CA4: variants seen among roughly 807,000 people sequenced by gnomAD.
CA4 encodes the protein carbonic anhydrase 4.
A neutral mutation model predicts 34.5 loss-of-function variants in CA4; 24 were observed. The ratio of observed to expected loss-of-function variants is 0.70; its 90% CI spans 0.50 to 0.98. The LOEUF (loss-of-function observed/expected upper bound fraction) is 0.98, where lower values mean the gene tolerates loss of function less well. CA4 is among the 50% of genes least tolerant of loss of function. The pLI, the probability that CA4 is intolerant of heterozygous loss-of-function variation, is 0.00. For missense variants in CA4, 394 were observed against 396.7 expected, an observed-to-expected ratio of 0.99 and a Z score of 0.06; for synonymous variants, 178 against 170.6, an observed-to-expected ratio of 1.04 and a Z score of -0.34.
intron 5 of CA4, among the ~76,000 whole-genome samples, chr17:60,168,983 G>A (rs563563687): frequency 4.9e-4 from 74 of 152,206 alleles, no homozygotes; most frequent in Admixed American, 2.7e-3. Flanking sequence ...ACGGTGACTC[G>A]CGCCTGTAAT....
downstream of CA4, among the ~76,000 whole-genome samples, chr17:60,164,210 TTTTC>T (rs1196881644): frequency 1.6e-4 from 23 of 144,036 alleles, no homozygotes; most frequent in Non-Finnish European, 3.0e-4. Flanking sequence ...TTCTTTCTTT[TTTTC>T]TTTCTTTCTC....
chr17:60,158,991 C>A (rs949173231), intron 7 of CA4: 2 of 576,474 alleles, frequency 3.5e-6, no homozygotes, highest in East Asian at 2.9e-5. Flanking sequence ...GCAGGCATTG[C>A]GGGCCCCCTG....
rs531909330 is a variant in CA4 at position 60,156,682 on chromosome 17, C to G, written c.235C>G (p.Gln79Glu). ...CTTCTTCTCTGGCTACGATAAGAAG[C>G]AAACGTGGACTGTCCAAAATAACGG... ...RFFFSGYDKK[Q>E]TWTVQNNGHS... The change falls in exon 3 of 8, where the codon CAA becomes GAA. Residue 79 changes from glutamine to glutamate, a missense_variant. Coordinates refer to ENST00000300900, the MANE Select transcript of CA4 (RefSeq NM_000717.5). The G allele has an allele frequency of 1.2e-6, 2 of 1,614,036 alleles. No homozygotes were observed. Among genetic ancestry groups the G allele is most frequent in the Non-Finnish European group, 1.7e-6 (2 of 1,180,004 alleles).
chr17:60,159,204 C>T (rs766089463), intron 7 of CA4, 26 bp from the exon 8 acceptor site: 14 of 1,576,100 alleles, frequency 8.9e-6, no homozygotes, highest in South Asian at 4.6e-5. Flanking sequence ...CCTGCCCCGA[C>T]CTGCTGAGCC....
chr17:60,157,624 G>A, intron 4 of CA4, 52 bp downstream of exon 4: 1 of 1,614,012 alleles, frequency 6.2e-7, no homozygotes, highest in South Asian at 1.1e-5. Context: ...GCGCGCACCT[G>A]CCTTGGGCAA....
At chr17:60,162,983 T>C (rs1386612414), downstream of CA4, among the ~76,000 whole-genome samples, 1 of 152,166 alleles carries the variant, frequency 6.6e-6, no homozygotes, top group Non-Finnish European at 1.5e-5. Context: ...GGGCCGCCTC[T>C]TTGGCCCCCT....
chr17:60,163,119 G>A (rs573920945), downstream of CA4, among the ~76,000 whole-genome samples: 64 of 151,758 alleles, frequency 4.2e-4, no homozygotes, highest in African/African-American at 1.5e-3. Flanking sequence ...CCTGCTTCCT[G>A]TGGCTCTGAT....
intron 7 of CA4, chr17:60,158,772 A>T: frequency 4.5e-6 from 2 of 447,288 alleles, no homozygotes; most frequent in East Asian, 9.1e-5. Flanking sequence ...ATTCCAAAAC[A>T]GTGGTTCTCA....
chr17:60,175,381 C>T (rs1410444697), downstream of CA4, among the ~76,000 whole-genome samples: 1 of 151,478 alleles, frequency 6.6e-6, no homozygotes, highest in East Asian at 1.9e-4. Flanking sequence ...CCAGCCTGGG[C>T]AACATGGTGA....
In CA4 at chr17:60,158,388, GC is replaced by G. The variant is rs1670801464; in HGVS notation, c.687del (p.Cys229TrpfsTer36). On this transcript the variant is annotated frameshift_variant, in exon 7 of 8. Transcript: ENST00000300900. LOFTEE classifies it high-confidence loss of function. ...CTGGGCTCACTCACCACACCGACCT[GC>G]GATGAGAAGGTCGTCTGGACTGTGT... ...RYLGSLTTPT[C>X]DEKVVWTVFR... The G allele has an allele frequency of 6.2e-7, 1 of 1,614,012 alleles. No homozygotes were observed. Among genetic ancestry groups the G allele is most frequent in the Admixed American group, 1.7e-5 (1 of 59,996 alleles).
intron 1 of CA4, among the ~76,000 whole-genome samples, chr17:60,152,651 G>A (rs899702764): frequency 2.0e-5 from 3 of 152,194 alleles, no homozygotes; most frequent in African/African-American, 4.8e-5. Flanking sequence ...GGCTGCCCCC[G>A]GGCCCTCCAG....
At chr17:60,164,276 C>T (rs979203855), downstream of CA4, among the ~76,000 whole-genome samples, 2 of 148,142 alleles carry the variant, frequency 1.4e-5, no homozygotes, top group African/African-American at 2.5e-5. Flanking sequence ...TCCTTCCCTC[C>T]CTCCCTCCTT....
At chr17:60,157,600 T>A in intron 4 of CA4, 28 bp downstream of exon 4, 1 of 1,614,180 alleles carries the variant, frequency 6.2e-7, no homozygotes, top group Non-Finnish European at 8.5e-7. Context: ...ACTGGGACCT[T>A]GTCTGGGCTC....
chr17:60,162,783 G>C (rs1405926403), downstream of CA4, among the ~76,000 whole-genome samples: 1 of 152,142 alleles, frequency 6.6e-6, no homozygotes, highest in Non-Finnish European at 1.5e-5. Context: ...CCCTCCCACA[G>C]CACGGATAAG....
In CA4 at chr17:60,158,305, G is replaced by A. The variant is rs1273653956; in HGVS notation, c.603G>A (p.Glu201=). The change falls in exon 7 of 8, where the codon GAG becomes GAA. Residue 201 remains glutamate (E), a synonymous_variant. Coordinates refer to ENST00000300900, the MANE Select transcript of CA4 (RefSeq NM_000717.5). ...CAGAGATGAGCACTACGATGGCAGA[G>A]AGCAGCCTGTTGGACCTGCTCCCCA... ...PKPEMSTTMA[E]SSLLDLLPKE... 28 of 1,614,062 alleles carry A rather than the reference G, an allele frequency of 1.7e-5. No homozygotes were observed. Among genetic ancestry groups the A allele is most frequent in the Non-Finnish European group, 2.3e-5 (27 of 1,180,042 alleles).
At chr17:60,175,106 A>G (rs2083945463), downstream of CA4, among the ~76,000 whole-genome samples, 1 of 151,248 alleles carries the variant, frequency 6.6e-6, no homozygotes, top group African/African-American at 2.4e-5. Context: ...GGCAACCTCA[A>G]CCTTCTGGGT....
chr17:60,154,066 G>C (rs75506524), intron 1 of CA4, among the ~76,000 whole-genome samples: 1 of 152,142 alleles, frequency 6.6e-6, no homozygotes, highest in Non-Finnish European at 1.5e-5. Flanking sequence ...TGTGGGGGCA[G>C]CCCAGGCAAG....
chr17:60,176,206 T>TA, the CA4 span, among the ~76,000 whole-genome samples: 1 of 151,950 alleles, frequency 6.6e-6, no homozygotes, highest in South Asian at 2.1e-4. Flanking sequence ...AGCAAGGAGG[T>TA]AAAAAAACAA....
Position 60,149,995 on chromosome 17 carries a change from C to T in CA4, c.-40C>T, listed in dbSNP as rs768801541. On this transcript the variant is annotated 5_prime_UTR_variant, in exon 1 of 8. Coordinates refer to ENST00000300900, the MANE Select transcript of CA4 (RefSeq NM_000717.5). ...TGCACCCGCGGCGGCCTCCTCGGTG[C>T]GCGACCCCCGGCTCAGAGGACTCTT... The T allele has an allele frequency of 2.6e-6, 4 of 1,566,340 alleles. No individual in the cohort carries two copies. The highest frequency in any genetic ancestry group is 1.3e-5 in the African/African-American group (1 of 74,092).
Sources: gnomAD v4.1 joint callset for allele counts (sites outside exome capture counted in the v4.1 genomes callset) on GRCh38, gnomAD v4.1.1 for gene constraint, MANE v1.5 for transcripts, NCBI Gene and HGNC (gene_info 2026-07-23, HGNC 2026-07-21) for gene names.